The following VCPIP1 variants were observed in gnomAD, a reference collection of about 807,000 sequenced individuals.
VCPIP1 encodes deubiquitinating protein VCPIP1.
VCPIP1 carries 8 observed loss-of-function variants against 85.0 expected under a neutral mutation model. That is an observed-to-expected ratio of 0.09 (90% CI 0.06 to 0.17). The LOEUF (loss-of-function observed/expected upper bound fraction) is 0.17, where lower values mean the gene tolerates loss of function less well. VCPIP1 is among the 10% of genes least tolerant of loss of function. The probability of loss-of-function intolerance (pLI) is 1.00; values close to 1 mark genes in which losing one functional copy is unlikely to be tolerated. For synonymous variants in VCPIP1, 543 were observed against 544.5 expected (o/e 1.00, Z 0.04); for missense variants, 1,070 against 1,486.3 (o/e 0.72, Z 4.61).
At chr8:66,647,086 T>G (rs1325334293) in intron 2 of VCPIP1, among the ~76,000 whole-genome samples, 1 of 152,104 alleles carries the variant, frequency 6.6e-6, no homozygotes, top group Non-Finnish European at 1.5e-5. Context: ...CTCACGCCTG[T>G]AATTCCAGCA....
chr8:66,652,431 T>C (rs1811063265), intron 1 of VCPIP1, among the ~76,000 whole-genome samples: 1 of 152,042 alleles, frequency 6.6e-6, no homozygotes, highest in African/African-American at 2.4e-5. Context: ...CTGGCCAACA[T>C]GGTGAAACCC....
At chr8:66,636,772 T>A (rs1252198219) in intron 2 of VCPIP1, among the ~76,000 whole-genome samples, 2 of 151,726 alleles carry the variant, frequency 1.3e-5, no homozygotes, top group Non-Finnish European at 2.9e-5. Flanking sequence ...TAAATAATGC[T>A]TGAACCCAAG....
chr8:66,645,657 C>T (rs534481428), intron 2 of VCPIP1, among the ~76,000 whole-genome samples: 1 of 150,838 alleles, frequency 6.6e-6, no homozygotes, highest in Admixed American at 6.6e-5. Context: ...CACAGTGGCT[C>T]ACGCCTGTAT....
intron 1 of VCPIP1, 117 bp from the exon 2 acceptor site, chr8:66,651,661 C>A: frequency 2.9e-6 from 2 of 688,510 alleles, no homozygotes. Flanking sequence ...ATGAGTGAAA[C>A]AGCCTGACAC....
rs1810807716 is a variant in VCPIP1, at chr8:66,629,033, A to AATTTATTAAATAATATTT, written c.*5467_*5468insAAATATTATTTAATAAAT. 6.6e-6 allele frequency: 1 copy of AATTTATTAAATAATATTT among 152,242 alleles called. No individual in the cohort carries two copies. The highest frequency in any genetic ancestry group is 1.5e-5 in the Non-Finnish European group (1 of 68,046). The allele number at this position is 152,242 out of a possible 1,614,324, so 9.4% of individuals were successfully genotyped here. A position where few individuals can be genotyped will look rare whatever the true frequency, so the allele number is the denominator to read the frequency against. ...CAAGTAAAATAAGTTTTAATGTAAC[A>AATTTATTAAATAATATTT]AATTATTTAAATAATGTGTGCCCTG... On this transcript the variant is annotated 3_prime_UTR_variant, in exon 3 of 3. Transcript: ENST00000310421.
rs1810858460 is a variant in VCPIP1 at position 66,633,979 on chromosome 8, T to C, written c.*522A>G. On this transcript the variant is annotated 3_prime_UTR_variant, in exon 3 of 3. Transcript: ENST00000310421. Reference sequence around the variant, plus strand: ...TCGCCAAGAAATCTCTATGAATGTGTTTACGTTCATAGAAACATTTGCATT... The same window carrying C: ...TCGCCAAGAAATCTCTATGAATGTGCTTACGTTCATAGAAACATTTGCATT... 6.6e-6 allele frequency: 1 copy of C among 152,310 alleles called. No individual in the cohort carries two copies. The highest frequency in any genetic ancestry group is 1.5e-5 in the Non-Finnish European group (1 of 68,094). The allele number at this position is 152,310 out of a possible 1,614,324, so 9.4% of individuals were successfully genotyped here. A position where few individuals can be genotyped will look rare whatever the true frequency, so the allele number is the denominator to read the frequency against.
intron 2 of VCPIP1, among the ~76,000 whole-genome samples, chr8:66,639,321 C>CTTTTTTTTTTT (rs57563619): frequency 6.0e-4 from 41 of 67,804 alleles, no homozygotes; most frequent in South Asian, 1.4e-3. Flanking sequence ...TAATTTTATT[C>CTTTTTTTTTTT]TTTTTTTTTT....
intron 2 of VCPIP1, among the ~76,000 whole-genome samples, chr8:66,640,688 C>G (rs1329718505): frequency 1.4e-5 from 2 of 145,028 alleles, no homozygotes; most frequent in Non-Finnish European, 3.0e-5. Context: ...AGAAAAGTAG[C>G]TTGACTTCAA....
chr8:66,643,277 C>T (rs1810964648), intron 2 of VCPIP1, among the ~76,000 whole-genome samples: 1 of 150,442 alleles, frequency 6.6e-6, no homozygotes, highest in Non-Finnish European at 1.5e-5. Flanking sequence ...AAGCTGAGAT[C>T]ACGGCACTGC....
chr8:66,634,660 C>G lies in VCPIP1; in HGVS notation c.3510G>C (p.Leu1170Phe). The G allele has an allele frequency of 6.2e-7, 1 of 1,614,160 alleles. No individual in the cohort carries two copies. The highest frequency in any genetic ancestry group is 8.5e-7 in the Non-Finnish European group (1 of 1,180,030). The change falls in exon 3 of 3, where the codon TTG becomes TTC. Residue 1170 changes from leucine (L) to phenylalanine (F), a missense_variant. Physicochemically the swap from Leu to Phe is conservative, Grantham distance 22. Around this residue, in one of 8 missense-constraint regions of VCPIP1, gnomAD observed 255 missense variants for 289.5 expected, o/e 0.88. Transcript: ENST00000310421. ...CACAGCCATCAGTTGTTTCTGTATT[C>G]AAATTTTCAGTACCACCAGTTAAAG... The part of the protein sequence containing the change: ...SFPLTGGTEN[L>F]NTETTDGCVA...
At chr8:66,657,135 T>C (rs932433860) in intron 1 of VCPIP1, among the ~76,000 whole-genome samples, 1 of 152,018 alleles carries the variant, frequency 6.6e-6, no homozygotes, top group Non-Finnish European at 1.5e-5. Context: ...AAACTCCTGA[T>C]CTCAGACAAT....
chr8:66,639,285 G>A (rs994234659), intron 2 of VCPIP1, among the ~76,000 whole-genome samples: 3 of 143,450 alleles, frequency 2.1e-5, no homozygotes, highest in Middle Eastern at 3.9e-3. Flanking sequence ...ACACCTGGCC[G>A]AAAACTTACT....
intron 2 of VCPIP1, among the ~76,000 whole-genome samples, chr8:66,642,214 G>A (rs1042075268): frequency 2.0e-5 from 3 of 152,032 alleles, no homozygotes; most frequent in Non-Finnish European, 4.4e-5. Flanking sequence ...ATCTTTTCAC[G>A]TGTGATTGGC....
At chr8:66,652,151 A>C (rs1811060611) in intron 1 of VCPIP1, among the ~76,000 whole-genome samples, 1 of 152,200 alleles carries the variant, frequency 6.6e-6, no homozygotes, top group Non-Finnish European at 1.5e-5. Flanking sequence ...TGTTTGCATC[A>C]CTGCACTCTA....
At position 66,663,425 on chromosome 8, in the gene VCPIP1, C is replaced by A. The variant is rs144541808; in HGVS notation, c.2710+824G>T. Among the ~76,000 whole-genome samples, 1,363 of 152,260 alleles carry A rather than the reference C, an allele frequency of 9.0e-3. 14 individuals are homozygous for A. The highest frequency in any genetic ancestry group is 0.015 in the Non-Finnish European group (1,030 of 68,012). On this transcript the variant is annotated intron_variant, in intron 1 of 2. Coordinates refer to ENST00000310421, the MANE Select transcript of VCPIP1 (RefSeq NM_025054.5). ...TAACTAACACATTTAAATTTTACTT[C>A]ATACTTTAAGACTTAGTAAAGCATA... is the stretch of plus-strand genomic sequence containing the variant.
intron 2 of VCPIP1, among the ~76,000 whole-genome samples, chr8:66,642,712 AAC>A (rs1375849877): frequency 1.3e-5 from 2 of 152,242 alleles, no homozygotes; most frequent in Non-Finnish European, 2.9e-5. Context: ...TTGTCTCAGC[AAC>A]ACAGTTAACA....
Position 66,632,665 on chromosome 8 carries a change from G to A in VCPIP1, c.*1836C>T, listed in dbSNP as rs1810846039. On this transcript the variant is annotated 3_prime_UTR_variant, in exon 3 of 3. Coordinates refer to ENST00000310421, the MANE Select transcript of VCPIP1 (RefSeq NM_025054.5). ...CATTTTTTGCTTAAACAGTTTTCCTGTATTTAAATCCCCCCAAAAAAAGTT... is the reference window on the plus strand; with the variant it reads ...CATTTTTTGCTTAAACAGTTTTCCTATATTTAAATCCCCCCAAAAAAAGTT... 1 of 151,980 alleles carries A rather than the reference G, an allele frequency of 6.6e-6. No individual in the cohort carries two copies. The highest frequency in any genetic ancestry group is 2.1e-4 in the South Asian group (1 of 4,828). 9.4% of individuals were successfully genotyped at this position (151,980 alleles called of 1,614,324 possible).
At chr8:66,660,738 T>C (rs914327562) in intron 1 of VCPIP1, among the ~76,000 whole-genome samples, 4 of 152,198 alleles carry the variant, frequency 2.6e-5, no homozygotes, top group African/African-American at 9.7e-5. Flanking sequence ...GGAACATCTT[T>C]TTTTTTAAAT....
At position 66,631,939 on chromosome 8, in the gene VCPIP1, A is replaced by T. The variant is rs1417928165; in HGVS notation, c.*2562T>A. On this transcript the variant is annotated 3_prime_UTR_variant, in exon 3 of 3. Coordinates refer to ENST00000310421, the MANE Select transcript of VCPIP1 (RefSeq NM_025054.5). ...ACCTGGACTTTAGGTCATCAACTTA[A>T]ATTTGGTATGATTAACTATAAAATG... is the stretch of plus-strand genomic sequence containing the variant. 6.6e-6 allele frequency: 1 copy of T among 152,430 alleles called. No homozygotes were observed. Among genetic ancestry groups the T allele is most frequent in the Non-Finnish European group, 1.5e-5 (1 of 67,914 alleles). The allele number at this position is 152,430 out of a possible 1,614,324, so 9.4% of individuals were successfully genotyped here.
Sources: gnomAD v4.1 joint callset for allele counts (sites outside exome capture counted in the v4.1 genomes callset) on GRCh38, gnomAD v4.1.1 for gene constraint, gnomAD v4.1.1 regional missense constraint, MANE v1.5 for transcripts, NCBI Gene and HGNC (gene_info 2026-07-23, HGNC 2026-07-21) for gene names.